Variants in KCNH1 observed in about 807,000 individuals in gnomAD.
KCNH1 encodes potassium voltage-gated channel subfamily H member 1.
A neutral mutation model predicts 69.2 loss-of-function variants in KCNH1; 27 were observed. That is an observed-to-expected ratio of 0.39 (90% CI 0.29 to 0.54). The LOEUF (loss-of-function observed/expected upper bound fraction) is 0.54. Ranked by LOEUF, KCNH1 falls within the 20% of genes least tolerant of loss-of-function variation. KCNH1 has a pLI of 0.68. For synonymous variants in KCNH1, 456 were observed against 487.7 expected, an observed-to-expected ratio of 0.93 and a Z score of 0.86; for missense variants, 798 against 1,261.6, an observed-to-expected ratio of 0.63 and a Z score of 5.57.
At chr1:211,117,915 G>C (rs771139271) in intron 1 of KCNH1, among the ~76,000 whole-genome samples, 2 of 152,072 alleles carry the variant, frequency 1.3e-5, no homozygotes, top group Admixed American at 6.6e-5. Flanking sequence ...TAATCAAACC[G>C]GTCATGACCA....
rs1028726612 is a variant in KCNH1, at chr1:210,875,619, A to G, written c.1462+44021T>C. ...GGAGTTTGAGAACAGCCTGACCAAC[A>G]TGGTGAACCCCATCTCTACTAAAAA... On this transcript the variant is annotated intron_variant, in intron 7 of 10. Coordinates refer to ENST00000271751, the MANE Select transcript of KCNH1 (RefSeq NM_172362.3). Among the ~76,000 whole-genome samples the G allele has an allele frequency of 2.6e-5, 4 of 152,108 alleles. No individual in the cohort carries two copies. The South Asian group carries it at 6.2e-4, about 24-fold the overall frequency.
chr1:211,049,476 GT>G (rs1486325067), intron 5 of KCNH1, among the ~76,000 whole-genome samples: 5 of 152,182 alleles, frequency 3.3e-5, no homozygotes, highest in African/African-American at 1.2e-4. Context: ...AACATAGGGG[GT>G]TTTTTGGTTT....
At chr1:210,712,820 C>T (rs1021110444) in intron 10 of KCNH1, among the ~76,000 whole-genome samples, 1 of 152,136 alleles carries the variant, frequency 6.6e-6, no homozygotes, top group Non-Finnish European at 1.5e-5. Flanking sequence ...GAATCTGTAC[C>T]TGCCTACAAG....
intron 6 of KCNH1, among the ~76,000 whole-genome samples, chr1:210,952,421 G>A (rs748537132): frequency 6.6e-6 from 1 of 152,092 alleles, no homozygotes; most frequent in African/African-American, 2.4e-5. Context: ...CTATGTGCAG[G>A]TGCTGATCTA....
chr1:210,873,746 T>C (rs994400847), intron 7 of KCNH1, among the ~76,000 whole-genome samples: 3 of 152,076 alleles, frequency 2.0e-5, no homozygotes, highest in African/African-American at 4.8e-5. Context: ...TCAAGAGAAA[T>C]TACTCCAGAT....
chr1:210,996,147 G>A (rs369171416), intron 6 of KCNH1, among the ~76,000 whole-genome samples: 1 of 152,074 alleles, frequency 6.6e-6, no homozygotes, highest in South Asian at 2.1e-4. Context: ...CAGAACAGTG[G>A]GTGCACTGCA....
chr1:210,957,758 T>G (rs985413732), intron 6 of KCNH1, among the ~76,000 whole-genome samples: 4 of 152,188 alleles, frequency 2.6e-5, no homozygotes, highest in Non-Finnish European at 5.9e-5. Context: ...TTGCTTTCCA[T>G]TTGCTTGGTA....
intron 7 of KCNH1, among the ~76,000 whole-genome samples, chr1:210,880,401 C>T (rs1320957535): frequency 6.6e-6 from 1 of 152,042 alleles, no homozygotes; most frequent in African/African-American, 2.4e-5. Flanking sequence ...CAAATAAATC[C>T]ATGCAACAGA....
In KCNH1 at chr1:210,853,946, C is replaced by CAAAAAAAAAAAAAAA. The variant is rs11445997; in HGVS notation, c.1463-49795_1463-49781dup. ...TAGCAGTAAAAGCATTTATCTAAGC[C>CAAAAAAAAAAAAAAA]AAAAAAAAAAAAAAAAAAAAAAGAA... On this transcript the variant is annotated intron_variant, in intron 7 of 10. Coordinates refer to ENST00000271751, the MANE Select transcript of KCNH1 (RefSeq NM_172362.3). Among the ~76,000 whole-genome samples, 203 of 61,482 alleles carry CAAAAAAAAAAAAAAA rather than the reference C, an allele frequency of 3.3e-3. 20 individuals carry two copies. Among genetic ancestry groups the CAAAAAAAAAAAAAAA allele is most frequent in the Middle Eastern group, 0.017 (1 of 58 alleles). 40.3% of individuals were successfully genotyped at this position (61,482 alleles called of 152,430 possible).
intron 7 of KCNH1, among the ~76,000 whole-genome samples, chr1:210,816,439 G>C (rs1418974): frequency 0.5 from 75,714 of 152,058 alleles, 19,009 homozygotes; most frequent in East Asian, 0.79. Flanking sequence ...TAGCACCACA[G>C]ATAAAAGCAC....
intron 3 of KCNH1, 151 bp from the exon 4 acceptor site, chr1:211,090,841 AT>A (rs899076600): frequency 2.5e-5 from 18 of 709,820 alleles, no homozygotes; most frequent in African/African-American, 1.3e-4. Context: ...CACACCATAA[AT>A]TTTTTTTCTT....
chr1:210,848,154 A>G (rs537250844), intron 7 of KCNH1, among the ~76,000 whole-genome samples: 15 of 152,238 alleles, frequency 9.9e-5, no homozygotes, highest in Non-Finnish European at 2.2e-4. Context: ...ATAGTTAAAG[A>G]TAGTGTCTTA....
At chr1:210,845,994 A>G (rs1685534346) in intron 7 of KCNH1, among the ~76,000 whole-genome samples, 1 of 152,218 alleles carries the variant, frequency 6.6e-6, no homozygotes, top group Admixed American at 6.5e-5. Flanking sequence ...TTCAAAGAGA[A>G]TAAAATACCT....
chr1:210,943,441 C>T (rs920300933), intron 6 of KCNH1, among the ~76,000 whole-genome samples: 9 of 152,180 alleles, frequency 5.9e-5, no homozygotes, highest in East Asian at 3.9e-4. Flanking sequence ...CTCTGCCTCC[C>T]GGGTTCAGGC....
intron 10 of KCNH1, among the ~76,000 whole-genome samples, chr1:210,739,500 AG>A (rs1383431753): frequency 6.6e-6 from 1 of 152,230 alleles, no homozygotes; most frequent in Non-Finnish European, 1.5e-5. Context: ...GGCTATGGAA[AG>A]TCCTCAGAGA....
chr1:210,973,543 A>G (rs1688550708), intron 6 of KCNH1, among the ~76,000 whole-genome samples: 1 of 152,100 alleles, frequency 6.6e-6, no homozygotes, highest in African/African-American at 2.4e-5. Context: ...TCAGAGTCAC[A>G]TTTATTTTGT....
At chr1:210,866,250 A>G (rs1168862296) in intron 7 of KCNH1, among the ~76,000 whole-genome samples, 1 of 152,218 alleles carries the variant, frequency 6.6e-6, no homozygotes, top group Non-Finnish European at 1.5e-5. Context: ...AGTCTACAGA[A>G]GAAAACTAGA....
At chr1:210,989,736 T>C (rs992419531) in intron 6 of KCNH1, among the ~76,000 whole-genome samples, 4 of 152,222 alleles carry the variant, frequency 2.6e-5, no homozygotes, top group African/African-American at 7.2e-5. Flanking sequence ...CAGGATAATC[T>C]ATAGGTATCG....
chr1:210,875,895 CAACA>C (rs754156682), intron 7 of KCNH1, among the ~76,000 whole-genome samples: 11 of 151,302 alleles, frequency 7.3e-5, no homozygotes, highest in Non-Finnish European at 1.2e-4. Flanking sequence ...TTCATGATAG[CAACA>C]AACAATGTAA....
Sources: gnomAD v4.1 joint callset for allele counts (sites outside exome capture counted in the v4.1 genomes callset) on GRCh38, gnomAD v4.1.1 for gene constraint, MANE v1.5 for transcripts, NCBI Gene and HGNC (gene_info 2026-07-23, HGNC 2026-07-21) for gene names.